The following FBXO8 variants were observed in gnomAD, a reference collection of about 807,000 sequenced individuals.
The protein encoded by FBXO8 is F-box protein 8.
Under a neutral mutation model 33.4 loss-of-function variants are expected in FBXO8, and 15 were observed. The ratio of observed to expected loss-of-function variants is 0.45; its 90% CI spans 0.30 to 0.69. The LOEUF is 0.69. Among genes scored for constraint, FBXO8 ranks in the 30% least tolerant of loss-of-function variants. The pLI, the probability that FBXO8 is intolerant of heterozygous loss-of-function variation, is 0.08. For synonymous variants in FBXO8, 132 were observed against 131.5 expected, an observed-to-expected ratio of 1.00 and a Z score of -0.02; for missense variants, 274 against 380.3, an observed-to-expected ratio of 0.72 and a Z score of 2.32.
chr4:174,270,654 G>A lies in FBXO8; in HGVS notation c.-8-7554C>T, dbSNP rs1249325017. On this transcript the variant is annotated intron_variant, in intron 1 of 5. Transcript: ENST00000393674. The surrounding 1 kb of genome is among the most constrained non-coding windows in gnomAD (Gnocchi z 4.6). ...TTTTTTTGAGATTTAGTCTTGTCTT[G>A]TTCCCCAGCTGCAGTGCAATGGCGC... Among the ~76,000 whole-genome samples the A allele has an allele frequency of 1.4e-5, 2 of 139,716 alleles. No individual in the cohort carries two copies. Among genetic ancestry groups the A allele is most frequent in the South Asian group, 4.4e-4 (2 of 4,532 alleles). The allele number at this position is 139,716 out of a possible 152,430, so 91.7% of individuals were successfully genotyped here. A position where few individuals can be genotyped will look rare whatever the true frequency, so the allele number is the denominator to read the frequency against.
In FBXO8 at chr4:174,259,915, G is replaced by T; in HGVS notation, c.330-90C>A. The T allele has an allele frequency of 7.8e-7, 1 of 1,289,394 alleles. No homozygotes were observed. Among genetic ancestry groups the T allele is most frequent in the Non-Finnish European group, 1.1e-6 (1 of 949,544 alleles). 79.9% of individuals were successfully genotyped at this position (1,289,394 alleles called of 1,614,324 possible). On this transcript the variant is annotated intron_variant, in intron 2 of 5. Transcript: ENST00000393674. The surrounding 1 kb of genome is among the most constrained non-coding windows in gnomAD (Gnocchi z 4.3). Reference sequence around the variant, plus strand: ...CATATACATGCAAAAATAGTAACATGAAATAAGATTGAATTTTATAGTTCT... The same window carrying T: ...CATATACATGCAAAAATAGTAACATTAAATAAGATTGAATTTTATAGTTCT...
Position 174,247,777 on chromosome 4 carries a change from G to A in FBXO8, c.457-6559C>T, listed in dbSNP as rs1736193710. Among the ~76,000 whole-genome samples the A allele has an allele frequency of 6.6e-6, 1 of 152,040 alleles. No homozygotes were observed. Among genetic ancestry groups the A allele is most frequent in the African/African-American group, 2.4e-5 (1 of 41,438 alleles). On this transcript the variant is annotated intron_variant, in intron 3 of 5. Transcript: ENST00000393674. The surrounding 1 kb of genome is among the most constrained non-coding windows in gnomAD (Gnocchi z 4.6). The stretch of plus-strand genomic sequence containing the variant: ...TAATTGACACATCTGCAGGTCAAAT[G>A]GGAACATCCCCATTGTTTTGTTTGC...
intron 1 of FBXO8, among the ~76,000 whole-genome samples, chr4:174,280,333 A>G (rs563166221): frequency 4.6e-5 from 7 of 152,230 alleles, no homozygotes; most frequent in Admixed American, 4.6e-4. Flanking sequence ...AAAAAAAATA[A>G]GTCTTGGCAA....
intron 1 of FBXO8, among the ~76,000 whole-genome samples, chr4:174,280,768 A>G (rs773949772): frequency 5.3e-5 from 8 of 152,192 alleles, no homozygotes; most frequent in Non-Finnish European, 1.2e-4. Context: ...GCCCATTTAT[A>G]TGAGGTTTTG....
rs1736028127 is a variant in FBXO8, at chr4:174,241,252, T to C, written c.457-34A>G. On this transcript the variant is annotated intron_variant, in intron 3 of 5. Transcript: ENST00000393674. The surrounding 1 kb of genome is among the most constrained non-coding windows in gnomAD (Gnocchi z 4.2). ...GAAAGACAAGTCTACATAAATAAAATTGCTCTTTATTTATGCATTTTAACA... is the reference window on the plus strand; with the variant it reads ...GAAAGACAAGTCTACATAAATAAAACTGCTCTTTATTTATGCATTTTAACA... The C allele has an allele frequency of 7.8e-7, 1 of 1,289,482 alleles. No individual in the cohort carries two copies. The highest frequency in any genetic ancestry group is 1.1e-6 in the Non-Finnish European group (1 of 906,656). The allele number at this position is 1,289,482 out of a possible 1,614,324, so 79.9% of individuals were successfully genotyped here. A position where few individuals can be genotyped will look rare whatever the true frequency, so the allele number is the denominator to read the frequency against.
chr4:174,281,817 A>T lies in FBXO8; in HGVS notation c.-9+1593T>A, dbSNP rs75412025. Among the ~76,000 whole-genome samples, 22 of 152,368 alleles carry T rather than the reference A, an allele frequency of 1.4e-4. 1 individual carries two copies. In the East Asian group the frequency reaches 4.2e-3, roughly 29 times the overall value. On this transcript the variant is annotated intron_variant, in intron 1 of 5. Coordinates refer to ENST00000393674, the MANE Select transcript of FBXO8 (RefSeq NM_012180.3). This position sits in a 1 kb window ranked among gnomAD's most constrained non-coding sequence, Gnocchi z 4.6. ...AAACAATGAGAGCAAAACGAAAAAG[A>T]AATAGTGAACATAAATTTCCAGAAA...
In FBXO8 at chr4:174,259,964, T is replaced by C. The variant is rs1294060119; in HGVS notation, c.330-139A>G. The C allele has an allele frequency of 4.3e-6, 4 of 932,996 alleles. No homozygotes were observed. Among genetic ancestry groups the C allele is most frequent in the Non-Finnish European group, 6.2e-6 (4 of 647,624 alleles). 57.8% of individuals were successfully genotyped at this position (932,996 alleles called of 1,614,324 possible). A position where few individuals can be genotyped will look rare whatever the true frequency, so the allele number is the denominator to read the frequency against. Reference sequence around the variant, plus strand: ...CTAAAGTTTAAAATTTTTAAGTTTGTACTTGTTTTCTATTTGTTTACTAGA... The same window carrying C: ...CTAAAGTTTAAAATTTTTAAGTTTGCACTTGTTTTCTATTTGTTTACTAGA... On this transcript the variant is annotated intron_variant, in intron 2 of 5. Coordinates refer to ENST00000393674, the MANE Select transcript of FBXO8 (RefSeq NM_012180.3). This position sits in a 1 kb window ranked among gnomAD's most constrained non-coding sequence, Gnocchi z 4.3.
In FBXO8 at chr4:174,251,569, T is replaced by G. The variant is rs1560868380; in HGVS notation, c.456+8130A>C. ...CTGCCTTCTTAACCATAAAATCACC[T>G]GATGGATTAGATTAAAAAGAGATGG... On this transcript the variant is annotated intron_variant, in intron 3 of 5. Transcript: ENST00000393674. The surrounding 1 kb of genome is among the most constrained non-coding windows in gnomAD (Gnocchi z 4.2). Among the ~76,000 whole-genome samples, 2 of 152,018 alleles carry G rather than the reference T, an allele frequency of 1.3e-5. No individual in the cohort carries two copies. Among genetic ancestry groups the G allele is most frequent in the Non-Finnish European group, 1.5e-5 (1 of 68,006 alleles).
intron 3 of FBXO8, among the ~76,000 whole-genome samples, chr4:174,243,526 C>T (rs1416218251): frequency 7.2e-6 from 1 of 139,168 alleles, no homozygotes; most frequent in African/African-American, 2.5e-5. Flanking sequence ...AAAGTGATTG[C>T]GGTTTTTGCC....
rs187332044 is a variant in FBXO8 at position 174,265,570 on chromosome 4, T to C, written c.-8-2470A>G. On this transcript the variant is annotated intron_variant, in intron 1 of 5. Transcript: ENST00000393674. The surrounding 1 kb of genome is among the most constrained non-coding windows in gnomAD (Gnocchi z 4.7). ...TGAAAAGACATGGAGGAACTTTAAG[T>C]GCCTATTATTAATGTTAAGTAAAAG... Among the ~76,000 whole-genome samples, 10 of 152,270 alleles carry C rather than the reference T, an allele frequency of 6.6e-5. No individual in the cohort carries two copies. The East Asian group carries it at 1.9e-3, about 29-fold the overall frequency.
In FBXO8 at chr4:174,255,867, A is replaced by G. The variant is rs933737768; in HGVS notation, c.456+3832T>C. 3.9e-5 allele frequency among the ~76,000 whole-genome samples: 6 copies of G among 152,232 alleles called. No homozygotes were observed. The highest frequency in any genetic ancestry group is 1.4e-4 in the African/African-American group (6 of 41,474). ...CACACACAACTTGTACATGCAGGGA[A>G]AATACAACTTAATGTAAACAGATGG... is the stretch of plus-strand genomic sequence containing the variant. On this transcript the variant is annotated intron_variant, in intron 3 of 5. Transcript: ENST00000393674. This position sits in a 1 kb window ranked among gnomAD's most constrained non-coding sequence, Gnocchi z 4.3.
At position 174,262,773 on chromosome 4, in the gene FBXO8, A is replaced by G; in HGVS notation, c.320T>C (p.Leu107Pro). 1 of 1,613,278 alleles carries G rather than the reference A, an allele frequency of 6.2e-7. No individual in the cohort carries two copies. The highest frequency in any genetic ancestry group is 1.3e-5 in the African/African-American group (1 of 75,030). Residue 107 changes from leucine to proline, a missense_variant, in exon 2 of 6, where the codon CTC becomes CCC. Around this residue, in one of 2 missense-constraint regions of FBXO8, gnomAD observed 186 missense variants for 293.4 expected, o/e 0.63. Coordinates refer to ENST00000393674, the MANE Select transcript of FBXO8 (RefSeq NM_012180.3). This position sits in a 1 kb window ranked among gnomAD's most constrained non-coding sequence, Gnocchi z 4.6. ...VWQDLANDEL[L>P]WQGLCKSTWG... is the part of the protein sequence containing the mutation. ...GGTGGGTTTAACTTACCCTTGCCAG[A>G]GAAGTTCATCATTCGCAAGGTCCTG...
Position 174,261,990 on chromosome 4 carries a change from G to A in FBXO8, c.329+774C>T, listed in dbSNP as rs973344682. Among the ~76,000 whole-genome samples the A allele has an allele frequency of 6.6e-6, 1 of 151,876 alleles. No individual in the cohort carries two copies. Among genetic ancestry groups the A allele is most frequent in the Non-Finnish European group, 1.5e-5 (1 of 67,898 alleles). ...GATTCCATGTTTGGTAATATTTTTA[G>A]GCCAAAAAATCATGTACCTATACTT... On this transcript the variant is annotated intron_variant, in intron 2 of 5. Transcript: ENST00000393674. The surrounding 1 kb of genome is among the most constrained non-coding windows in gnomAD (Gnocchi z 4.1).
At position 174,265,100 on chromosome 4, in the gene FBXO8, C is replaced by T. The variant is rs1233004678; in HGVS notation, c.-8-2000G>A. On this transcript the variant is annotated intron_variant, in intron 1 of 5. Transcript: ENST00000393674. This position sits in a 1 kb window ranked among gnomAD's most constrained non-coding sequence, Gnocchi z 4.7. ...CTACACACCCATTAAAAGAGTATAT[C>T]CGAAACAGTGACAATACCAAATGCT... Among the ~76,000 whole-genome samples the T allele has an allele frequency of 1.3e-5, 2 of 152,016 alleles. No homozygotes were observed. The highest frequency in any genetic ancestry group is 4.8e-5 in the African/African-American group (2 of 41,402).
Position 174,261,932 on chromosome 4 carries a change from T to C in FBXO8, c.329+832A>G, listed in dbSNP as rs936002622. On this transcript the variant is annotated intron_variant, in intron 2 of 5. Transcript: ENST00000393674. The surrounding 1 kb of genome is among the most constrained non-coding windows in gnomAD (Gnocchi z 4.1). ...TCAAGATAATAAGACAAATAAACTT[T>C]GGTAAAGGATGCTAGAAGGTCTGAG... 6.6e-5 allele frequency among the ~76,000 whole-genome samples: 10 copies of C among 152,084 alleles called. No homozygotes were observed. Among genetic ancestry groups the C allele is most frequent in the African/African-American group, 2.4e-4 (10 of 41,468 alleles).
rs1451195564 is a variant in FBXO8, at chr4:174,256,952, A to G, written c.456+2747T>C. ...AAAATACAGCCAACTCTCAATAACA[A>G]TGGAAGGTAGGATAGATAAGTAAAA... On this transcript the variant is annotated intron_variant, in intron 3 of 5. Coordinates refer to ENST00000393674, the MANE Select transcript of FBXO8 (RefSeq NM_012180.3). The surrounding 1 kb of genome is among the most constrained non-coding windows in gnomAD (Gnocchi z 4.6). 2.0e-5 allele frequency among the ~76,000 whole-genome samples: 3 copies of G among 152,128 alleles called. No individual in the cohort carries two copies. The highest frequency in any genetic ancestry group is 2.9e-5 in the Non-Finnish European group (2 of 68,004).
intron 3 of FBXO8, among the ~76,000 whole-genome samples, chr4:174,248,472 A>G (rs916001391): frequency 6.6e-6 from 1 of 152,030 alleles, no homozygotes; most frequent in Admixed American, 6.6e-5. Context: ...AAATTGGGAA[A>G]GAAATGTAAA....
intron 3 of FBXO8, among the ~76,000 whole-genome samples, chr4:174,258,046 T>C (rs1225929854): frequency 6.6e-6 from 1 of 152,160 alleles, no homozygotes; most frequent in Non-Finnish European, 1.5e-5. Context: ...ATATATTTTA[T>C]TATAAAGTTC....
chr4:174,241,652 T>TA lies in FBXO8; in HGVS notation c.457-435dup, dbSNP rs11459428. 0.099 allele frequency among the ~76,000 whole-genome samples: 14,868 copies of TA among 150,730 alleles called. 788 individuals are homozygous for TA. The highest frequency in any genetic ancestry group is 0.11 in the Non-Finnish European group (7,499 of 67,074). ...GCCTTTCAAGGAAAGAGCTTCTTGA[T>TA]AAAAAAATGCTCCAAATGAAAGACT... is the stretch of plus-strand genomic sequence containing the variant. On this transcript the variant is annotated intron_variant, in intron 3 of 5. Coordinates refer to ENST00000393674, the MANE Select transcript of FBXO8 (RefSeq NM_012180.3). The surrounding 1 kb of genome is among the most constrained non-coding windows in gnomAD (Gnocchi z 4.2).
Sources: gnomAD v4.1 joint callset for allele counts (sites outside exome capture counted in the v4.1 genomes callset) on GRCh38, gnomAD v4.1.1 for gene constraint, gnomAD v4.1.1 regional missense constraint, Gnocchi (gnomAD v3.1) non-coding constraint, MANE v1.5 for transcripts, NCBI Gene and HGNC (gene_info 2026-07-23, HGNC 2026-07-21) for gene names.